The following LNX1 variants were observed in gnomAD, a reference collection of about 807,000 sequenced individuals.
LNX1 encodes the protein E3 ubiquitin-protein ligase LNX.
LNX1 carries 54 observed loss-of-function variants against 68.4 expected under a neutral mutation model. That is an observed-to-expected ratio of 0.79 (90% CI 0.63 to 0.99). The LOEUF (loss-of-function observed/expected upper bound fraction) is 0.99, where lower values mean the gene tolerates loss of function less well. LNX1 is among the 50% of genes least tolerant of loss of function. The pLI, the probability that LNX1 is intolerant of heterozygous loss-of-function variation, is 0.00. For missense variants in LNX1, 906 were observed against 926.4 expected (o/e 0.98, Z 0.29); for synonymous variants, 336 against 350.0 (o/e 0.96, Z 0.45).
At chr4:53,514,908 T>C (rs1376890384) in intron 2 of LNX1, among the ~76,000 whole-genome samples, 1 of 152,134 alleles carries the variant, frequency 6.6e-6, no homozygotes, top group Admixed American at 6.5e-5. Flanking sequence ...AACTGACAAA[T>C]TAGGCTAAAC....
At chr4:53,559,850 G>A (rs1426909654) in intron 2 of LNX1, among the ~76,000 whole-genome samples, 4 of 148,234 alleles carry the variant, frequency 2.7e-5, no homozygotes, top group Non-Finnish European at 6.0e-5. Flanking sequence ...TTTCAGAGAT[G>A]AGGGTCCCTC....
At chr4:53,627,643 G>A (rs1734128118) in intron 1 of LNX1, among the ~76,000 whole-genome samples, 1 of 152,196 alleles carries the variant, frequency 6.6e-6, no homozygotes, top group African/African-American at 2.4e-5. Flanking sequence ...GCACAGAGGT[G>A]AGTAATTTTT....
chr4:53,537,775 C>T lies in LNX1; in HGVS notation c.381-29548G>A, dbSNP rs116735529. On this transcript the variant is annotated intron_variant, in intron 2 of 10. Transcript: ENST00000263925. ...CCCAAACCACACCCTGTAATACAGT[C>T]AAGGAAGAGAATGTCTTTGTCACTG... 3.3e-3 allele frequency among the ~76,000 whole-genome samples: 509 copies of T among 152,272 alleles called. 6 individuals carry two copies. Among genetic ancestry groups the T allele is most frequent in the African/African-American group, 0.012 (480 of 41,550 alleles).
chr4:53,481,881 C>A, intron 6 of LNX1, 27 bp from the exon 7 acceptor site: 1 of 1,543,506 alleles, frequency 6.5e-7, no homozygotes. Context: ...AGGCATTAGC[C>A]ACTGTCAGTT....
At chr4:53,626,649 T>C (rs1246834742) in intron 1 of LNX1, among the ~76,000 whole-genome samples, 1 of 152,160 alleles carries the variant, frequency 6.6e-6, no homozygotes, top group Admixed American at 6.5e-5. Context: ...GAAAGTTACA[T>C]CTCTTCTCAT....
intron 1 of LNX1, 73 bp downstream of exon 1, chr4:53,591,315 A>G (rs1036775103): frequency 6.7e-6 from 6 of 897,200 alleles, no homozygotes; most frequent in Non-Finnish European, 2.7e-6. Context: ...TTTTCATTCA[A>G]ATTCCGTGTT....
At chr4:53,537,148 C>T (rs1577678295) in intron 2 of LNX1, among the ~76,000 whole-genome samples, 1 of 152,092 alleles carries the variant, frequency 6.6e-6, no homozygotes, top group East Asian at 1.9e-4. Flanking sequence ...GTTAATTTGC[C>T]GTAAGACATA....
chr4:53,544,376 G>A (rs1422683328), intron 2 of LNX1, among the ~76,000 whole-genome samples: 1 of 152,092 alleles, frequency 6.6e-6, no homozygotes, highest in Non-Finnish European at 1.5e-5. Context: ...TGCATTTTTA[G>A]TAAAGACAGG....
intron 2 of LNX1, 147 bp from the exon 3 acceptor site, chr4:53,508,374 T>A: frequency 1.1e-6 from 1 of 946,520 alleles, no homozygotes; most frequent in Non-Finnish European, 1.5e-6. Flanking sequence ...CTCTCTTCCC[T>A]TTTCACACAT....
intron 2 of LNX1, among the ~76,000 whole-genome samples, chr4:53,601,261 A>T (rs926602780): frequency 2.6e-5 from 4 of 152,086 alleles, no homozygotes; most frequent in African/African-American, 9.7e-5. Flanking sequence ...TCTTAATTTG[A>T]GTCTTTGTCC....
At chr4:53,634,545 C>T (rs1363471208) in intron 1 of LNX1, among the ~76,000 whole-genome samples, 1 of 152,002 alleles carries the variant, frequency 6.6e-6, no homozygotes, top group Non-Finnish European at 1.5e-5. Flanking sequence ...CCCCCAGGCT[C>T]AGCTCGGTTT....
At chr4:53,632,473 G>T (rs1395034922) in intron 1 of LNX1, among the ~76,000 whole-genome samples, 2 of 152,192 alleles carry the variant, frequency 1.3e-5, no homozygotes, top group Non-Finnish European at 2.9e-5. Flanking sequence ...AGCCAAGAGG[G>T]TCAGTCAGAC....
At chr4:53,592,555 G>A (rs757262631), upstream of LNX1, among the ~76,000 whole-genome samples, 2 of 152,122 alleles carry the variant, frequency 1.3e-5, no homozygotes, top group Non-Finnish European at 2.9e-5. Flanking sequence ...TGGATTCCCC[G>A]TCCCGGAAGA....
chr4:53,568,486 G>A (rs1730874176), intron 2 of LNX1, among the ~76,000 whole-genome samples: 1 of 151,832 alleles, frequency 6.6e-6, no homozygotes, highest in South Asian at 2.1e-4. Context: ...AGGTATTGAT[G>A]GGACATATTT....
chr4:53,625,048 T>C (rs558593256), intron 1 of LNX1, among the ~76,000 whole-genome samples: 2 of 152,320 alleles, frequency 1.3e-5, no homozygotes, highest in East Asian at 1.9e-4. Flanking sequence ...TTTTAAAACT[T>C]GTAGGCACAT....
At chr4:53,540,568 G>T (rs939600055) in intron 2 of LNX1, among the ~76,000 whole-genome samples, 10 of 151,938 alleles carry the variant, frequency 6.6e-5, no homozygotes, top group African/African-American at 2.4e-4. Flanking sequence ...TGTAATCCCA[G>T]CTACTCGGGA....
intron 6 of LNX1, among the ~76,000 whole-genome samples, chr4:53,495,670 G>A (rs1224308591): frequency 1.3e-5 from 2 of 151,688 alleles, no homozygotes; most frequent in Non-Finnish European, 2.9e-5. Context: ...AGCCTCTTGA[G>A]TAGCTAGGAT....
At chr4:53,541,384 G>C (rs1208966125) in intron 2 of LNX1, among the ~76,000 whole-genome samples, 1 of 152,156 alleles carries the variant, frequency 6.6e-6, no homozygotes, top group African/African-American at 2.4e-5. Flanking sequence ...AACAATTAGT[G>C]CCAAACTATT....
chr4:53,469,910 G>C lies in LNX1; in HGVS notation c.1892+6843C>G, dbSNP rs1225747296. ...GATTCACAGCCGAATTCTACCAGAA[G>C]TACAAGGAGGAGCTGGTACCATTCC... On this transcript the variant is annotated intron_variant, in intron 9 of 10. Transcript: ENST00000263925. Among the ~76,000 whole-genome samples, 4 of 152,206 alleles carry C rather than the reference G, an allele frequency of 2.6e-5. No homozygotes were observed. The South Asian group carries it at 6.2e-4, about 24-fold the overall frequency.
Sources: allele counts gnomAD v4.1 joint callset (sites outside exome capture counted in the v4.1 genomes callset), GRCh38; gene constraint gnomAD v4.1.1; transcripts MANE v1.5; gene names NCBI Gene and HGNC (gene_info 2026-07-23, HGNC 2026-07-21).